Variants in IL1RAPL1 observed in about 807,000 individuals in gnomAD.
The protein encoded by IL1RAPL1 is interleukin-1 receptor accessory protein-like 1.
A neutral mutation model predicts 48.4 loss-of-function variants in IL1RAPL1; 3 were observed. The observed-to-expected ratio is 0.06, with a 90% CI of 0.03 to 0.16. The LOEUF is 0.16. Ranked by LOEUF, IL1RAPL1 falls within the 10% of genes least tolerant of loss-of-function variation. The pLI, the probability that IL1RAPL1 is intolerant of heterozygous loss-of-function variation, is 1.00. For missense variants in IL1RAPL1, 349 were observed against 530.6 expected, an observed-to-expected ratio of 0.66 and a Z score of 3.36; for synonymous variants, 185 against 187.7, an observed-to-expected ratio of 0.99 and a Z score of 0.12.
At chrX:29,379,277 G>C (rs1933663800) in intron 3 of IL1RAPL1, among the ~76,000 whole-genome samples, 1 of 112,423 alleles carries the variant, frequency 8.9e-6, no homozygotes, top group Non-Finnish European at 1.9e-5. Flanking sequence ...GGGTATCCAG[G>C]TAGAGGCTCT....
chrX:29,554,066 C>A (rs1249973339), intron 5 of IL1RAPL1, among the ~76,000 whole-genome samples: 1 of 110,170 alleles, frequency 9.1e-6, no homozygotes, highest in Non-Finnish European at 1.9e-5. Flanking sequence ...TTTTTAGTTT[C>A]TTTGGCTTTT....
intron 5 of IL1RAPL1, among the ~76,000 whole-genome samples, chrX:29,663,187 A>C (rs951932147): frequency 8.9e-6 from 1 of 112,391 alleles, no homozygotes; most frequent in Non-Finnish European, 1.9e-5. Context: ...GGGTGATCCA[A>C]GTTCCCCTGA....
intron 6 of IL1RAPL1, among the ~76,000 whole-genome samples, chrX:29,802,339 T>G (rs1601828755): frequency 9.0e-6 from 1 of 111,718 alleles, no homozygotes; most frequent in Admixed American, 9.6e-5. Flanking sequence ...AATTATAATA[T>G]TAGTAGCAAT....
chrX:29,591,316 G>A (rs1486329011), intron 5 of IL1RAPL1, among the ~76,000 whole-genome samples: 1 of 112,531 alleles, frequency 8.9e-6, no homozygotes, highest in Non-Finnish European at 1.9e-5. Context: ...CTGTAAATAT[G>A]AAGTTCAGTG....
intron 6 of IL1RAPL1, among the ~76,000 whole-genome samples, chrX:29,873,669 G>T (rs768030586): frequency 1.8e-5 from 2 of 111,803 alleles, no homozygotes; most frequent in Non-Finnish European, 3.8e-5. Flanking sequence ...ATAAGCCACC[G>T]ACTTTGTGGT....
chrX:28,992,254 G>C (rs187876031), intron 2 of IL1RAPL1, among the ~76,000 whole-genome samples: 8 of 111,172 alleles, frequency 7.2e-5, no homozygotes, highest in Non-Finnish European at 1.5e-4. Flanking sequence ...ACTTTGGGAG[G>C]CCAAGGTGGT....
At chrX:29,184,286 G>A (rs1050371303) in intron 2 of IL1RAPL1, among the ~76,000 whole-genome samples, 53 of 111,615 alleles carry the variant, frequency 4.7e-4, no homozygotes, top group Admixed American at 1.1e-3. Flanking sequence ...ATTTCAGAGA[G>A]TAGTAGGGTG....
intron 2 of IL1RAPL1, among the ~76,000 whole-genome samples, chrX:29,067,644 A>C (rs1431397510): frequency 8.9e-6 from 1 of 111,907 alleles, no homozygotes; most frequent in African/African-American, 3.2e-5. Context: ...ATAATGTTAG[A>C]ATCAGACTGC....
intron 2 of IL1RAPL1, among the ~76,000 whole-genome samples, chrX:28,898,004 C>T (rs1279054673): frequency 2.7e-5 from 3 of 111,045 alleles, no homozygotes; most frequent in South Asian, 7.6e-4. Flanking sequence ...AGGCAAGGAC[C>T]GGCCATTTTC....
chrX:28,672,981 G>A (rs1248002590), intron 1 of IL1RAPL1, among the ~76,000 whole-genome samples: 1 of 111,250 alleles, frequency 9.0e-6, no homozygotes, highest in African/African-American at 3.3e-5. Flanking sequence ...ATGCCCCAGT[G>A]TGTGTTGTTC....
intron 6 of IL1RAPL1, among the ~76,000 whole-genome samples, chrX:29,888,577 G>T (rs190604541): frequency 8.8e-4 from 98 of 110,913 alleles, no homozygotes; most frequent in African/African-American, 3.1e-3. Context: ...TCATTCTTCA[G>T]CTCTGCCTTT....
chrX:28,944,646 A>G (rs750631876), intron 2 of IL1RAPL1, among the ~76,000 whole-genome samples: 1 of 111,179 alleles, frequency 9.0e-6, no homozygotes, highest in Non-Finnish European at 1.9e-5. Context: ...CCGACATGAA[A>G]AAAGCTACAT....
At chrX:28,678,828 A>G (rs753185359) in intron 1 of IL1RAPL1, among the ~76,000 whole-genome samples, 8 of 112,460 alleles carry the variant, frequency 7.1e-5, no homozygotes, top group African/African-American at 2.6e-4. Flanking sequence ...ACAATTGACC[A>G]TTTAAAAATG....
intron 1 of IL1RAPL1, among the ~76,000 whole-genome samples, chrX:28,605,572 T>C (rs375102428): frequency 1.8e-5 from 2 of 111,867 alleles, no homozygotes; most frequent in East Asian, 2.8e-4. Context: ...ACCGCCAAAC[T>C]GACTCTATGC....
chrX:28,930,942 A>ATT (rs1179920245), intron 2 of IL1RAPL1, among the ~76,000 whole-genome samples: 1 of 103,670 alleles, frequency 9.6e-6, no homozygotes, highest in Non-Finnish European at 2.0e-5. Context: ...CGCCCAGCCG[A>ATT]TTTTTTTTTT....
At chrX:28,669,925 A>C (rs1470122753) in intron 1 of IL1RAPL1, among the ~76,000 whole-genome samples, 1 of 109,125 alleles carries the variant, frequency 9.2e-6, no homozygotes, top group African/African-American at 3.3e-5. Flanking sequence ...GACTTTATGG[A>C]TAAATACAAA....
chrX:29,029,836 T>C (rs1926576140), intron 2 of IL1RAPL1, among the ~76,000 whole-genome samples: 1 of 111,628 alleles, frequency 9.0e-6, no homozygotes, highest in Non-Finnish European at 1.9e-5. Flanking sequence ...ACCTAGATTT[T>C]ATCTTGTTAT....
intron 1 of IL1RAPL1, among the ~76,000 whole-genome samples, chrX:28,674,557 A>G (rs1375812216): frequency 1.8e-5 from 2 of 111,625 alleles, no homozygotes; most frequent in Non-Finnish European, 3.8e-5. Context: ...TTTACCCTAG[A>G]TTTGTTTTAA....
chrX:29,418,100 T>C (rs1411601615), intron 5 of IL1RAPL1, among the ~76,000 whole-genome samples: 1 of 50,708 alleles, frequency 2.0e-5, no homozygotes, highest in African/African-American at 8.6e-5. Flanking sequence ...AATATATATA[T>C]ATATATATAT....
Sources: gnomAD v4.1 joint callset for allele counts (sites outside exome capture counted in the v4.1 genomes callset) on GRCh38, gnomAD v4.1.1 for gene constraint, MANE v1.5 for transcripts, NCBI Gene and HGNC (gene_info 2026-07-23, HGNC 2026-07-21) for gene names.